Variants in MAP2K5 observed in about 807,000 individuals in gnomAD.
MAP2K5 encodes dual specificity mitogen-activated protein kinase kinase 5.
A neutral mutation model predicts 83.1 loss-of-function variants in MAP2K5; 49 were observed. That is an observed-to-expected ratio of 0.59 (90% CI 0.47 to 0.75). The LOEUF (loss-of-function observed/expected upper bound fraction) is 0.75. MAP2K5 is among the 30% of genes least tolerant of loss of function. The pLI is 0.00. For missense variants in MAP2K5, 457 were observed against 557.5 expected, an observed-to-expected ratio of 0.82 and a Z score of 1.82; for synonymous variants, 202 against 191.8, an observed-to-expected ratio of 1.05 and a Z score of -0.44.
At position 67,720,106 on chromosome 15, in the gene MAP2K5, A is replaced by G. The variant is rs777367493; in HGVS notation, c.1045-7810A>G. Among the ~76,000 whole-genome samples the G allele has an allele frequency of 3.3e-5, 5 of 152,144 alleles. No individual in the cohort carries two copies. Among genetic ancestry groups the G allele is most frequent in the East Asian group, 1.9e-4 (1 of 5,186 alleles). ...GTTTTTTCCCCTTTTTTATTTATCAATTAGCTGCCTTATACTTACTATGGC... is the reference window on the plus strand; with the variant it reads ...GTTTTTTCCCCTTTTTTATTTATCAGTTAGCTGCCTTATACTTACTATGGC... On this transcript the variant is annotated intron_variant, in intron 16 of 21. Coordinates refer to ENST00000178640, the MANE Select transcript of MAP2K5 (RefSeq NM_145160.3). This position sits in a 1 kb window ranked among gnomAD's most constrained non-coding sequence, Gnocchi z 5.7.
In MAP2K5 at chr15:67,735,953, C is replaced by G. The variant is rs538131530; in HGVS notation, c.1074+8008C>G. ...CATGGGAAAGGATGTGCTAGGTACT[C>G]AAGTCCAAAGGAGGTTCATCTGGTA... On this transcript the variant is annotated intron_variant, in intron 17 of 21. Transcript: ENST00000178640. 2.0e-5 allele frequency among the ~76,000 whole-genome samples: 3 copies of G among 152,260 alleles called. No homozygotes were observed. The East Asian group carries it at 5.8e-4, about 29-fold the overall frequency.
chr15:67,613,833 A>G (rs1192714177), intron 8 of MAP2K5, among the ~76,000 whole-genome samples: 1 of 152,060 alleles, frequency 6.6e-6, no homozygotes, highest in Non-Finnish European at 1.5e-5. Flanking sequence ...ATCTGATATT[A>G]CGGGGAAGAA....
chr15:67,703,734 C>T (rs2088478992), intron 16 of MAP2K5, among the ~76,000 whole-genome samples: 1 of 152,134 alleles, frequency 6.6e-6, no homozygotes, highest in South Asian at 2.1e-4. Context: ...CTGGGTGATT[C>T]TTATACATAC....
At chr15:67,797,765 C>T (rs1229841676) in intron 21 of MAP2K5, among the ~76,000 whole-genome samples, 1 of 152,108 alleles carries the variant, frequency 6.6e-6, no homozygotes, top group African/African-American at 2.4e-5. Context: ...TCACTGCAAC[C>T]TCTGCCTCCT....
chr15:67,642,162 A>G (rs2086726235), intron 9 of MAP2K5, among the ~76,000 whole-genome samples: 1 of 152,136 alleles, frequency 6.6e-6, no homozygotes, highest in African/African-American at 2.4e-5. Context: ...TGGCATTTTT[A>G]TTTGTTTGGT....
At chr15:67,759,534 T>C (rs1187408139) in intron 19 of MAP2K5, among the ~76,000 whole-genome samples, 1 of 146,034 alleles carries the variant, frequency 6.8e-6, no homozygotes, top group Non-Finnish European at 1.5e-5. Context: ...CACTCTAGCC[T>C]GGATGACAGA....
intron 8 of MAP2K5, among the ~76,000 whole-genome samples, chr15:67,607,321 T>A (rs563200857): frequency 3.5e-4 from 53 of 152,346 alleles, no homozygotes; most frequent in African/African-American, 1.2e-3. Context: ...TAAAATTAAT[T>A]ATGTATGTTT....
intron 2 of MAP2K5, among the ~76,000 whole-genome samples, chr15:67,554,349 G>T (rs564708489): frequency 6.6e-6 from 1 of 152,244 alleles, no homozygotes; most frequent in Admixed American, 6.5e-5. Flanking sequence ...GTGAGCCACC[G>T]CACCTGGCCT....
At chr15:67,752,349 C>T (rs1157626331) in intron 19 of MAP2K5, among the ~76,000 whole-genome samples, 1 of 151,300 alleles carries the variant, frequency 6.6e-6, no homozygotes, top group Non-Finnish European at 1.5e-5. Context: ...TCATATGGTA[C>T]TTTTTAGTTT....
rs867940430 is a variant in MAP2K5, at chr15:67,698,957, T to C, written c.973-4380T>C. ...ACGTATTACTACTATTATTTATTAT[T>C]ACTCTCTTCATTTTACAGATGAGGA... On this transcript the variant is annotated intron_variant, in intron 15 of 21. Coordinates refer to ENST00000178640, the MANE Select transcript of MAP2K5 (RefSeq NM_145160.3). The surrounding 1 kb of genome is among the most constrained non-coding windows in gnomAD (Gnocchi z 4.5). 4.6e-5 allele frequency among the ~76,000 whole-genome samples: 7 copies of C among 152,318 alleles called. No homozygotes were observed. Among genetic ancestry groups the C allele is most frequent in the Middle Eastern group, 6.8e-3 (2 of 294 alleles).
intron 2 of MAP2K5, among the ~76,000 whole-genome samples, chr15:67,550,759 C>T (rs2084492432): frequency 7.3e-6 from 1 of 137,802 alleles, no homozygotes. Context: ...CTACTTTTTT[C>T]TTTTCTTTTT....
rs537394973 is a variant in MAP2K5, at chr15:67,739,109, G to A, written c.1075-9122G>A. Among the ~76,000 whole-genome samples the A allele has an allele frequency of 1.1e-4, 16 of 151,770 alleles. No homozygotes were observed. The South Asian group carries it at 2.9e-3, about 28-fold the overall frequency. On this transcript the variant is annotated intron_variant, in intron 17 of 21. Coordinates refer to ENST00000178640, the MANE Select transcript of MAP2K5 (RefSeq NM_145160.3). ...AGCCTGGGCAACACAGGGAGACCCCGTCTCTACAAAAAATTTAAAAACCAG... is the reference window on the plus strand; with the variant it reads ...AGCCTGGGCAACACAGGGAGACCCCATCTCTACAAAAAATTTAAAAACCAG...
rs2085149736 is a variant in MAP2K5, at chr15:67,580,201, T to C, written c.253-553T>C. On this transcript the variant is annotated intron_variant, in intron 3 of 21. Transcript: ENST00000178640. ...CTAAAGTGTTTATAAGGCTAAAGCATAAAAGGTATGTTTGTTTGAAACTAG... is the reference window on the plus strand; with the variant it reads ...CTAAAGTGTTTATAAGGCTAAAGCACAAAAGGTATGTTTGTTTGAAACTAG... Among the ~76,000 whole-genome samples the C allele has an allele frequency of 2.0e-5, 3 of 152,244 alleles. No homozygotes were observed. The South Asian group carries it at 6.2e-4, about 31-fold the overall frequency.
chr15:67,709,216 T>C (rs759608629), intron 16 of MAP2K5, among the ~76,000 whole-genome samples: 10 of 152,198 alleles, frequency 6.6e-5, no homozygotes, highest in Non-Finnish European at 1.5e-4. Context: ...TCACTCTGTA[T>C]TGGGGAAGAG....
At chr15:67,656,883 G>A (rs1402079581) in intron 11 of MAP2K5, among the ~76,000 whole-genome samples, 5 of 152,134 alleles carry the variant, frequency 3.3e-5, no homozygotes, top group African/African-American at 9.7e-5. Context: ...AACCCCTTCT[G>A]CCATTTTTAA....
intron 3 of MAP2K5, 135 bp from the exon 4 acceptor site, chr15:67,580,619 T>C: frequency 1.5e-6 from 1 of 647,436 alleles, no homozygotes; most frequent in South Asian, 1.6e-5. Context: ...GATGTGCCAG[T>C]AGGGGAAAAG....
At chr15:67,631,256 A>T (rs1180479712) in intron 9 of MAP2K5, among the ~76,000 whole-genome samples, 1 of 152,140 alleles carries the variant, frequency 6.6e-6, no homozygotes, top group African/African-American at 2.4e-5. Context: ...TCCTTCTTTA[A>T]ATATGCCACA....
At chr15:67,658,752 TTTG>T in intron 12 of MAP2K5, 138 bp downstream of exon 12, 1 of 727,190 alleles carries the variant, frequency 1.4e-6, no homozygotes, top group Non-Finnish European at 2.4e-6. Flanking sequence ...TTTCTCCTGT[TTTG>T]TTCTTCTTTT....
rs2141331044 is a variant in MAP2K5, at chr15:67,790,176, A to T, written c.1243-16470A>T. ...GAACTTCCTTTAAAGCAGCCTGTAGACATCAGGAATATTTATTTTTTCTAT... is the reference window on the plus strand; with the variant it reads ...GAACTTCCTTTAAAGCAGCCTGTAGTCATCAGGAATATTTATTTTTTCTAT... On this transcript the variant is annotated intron_variant, in intron 21 of 21. Coordinates refer to ENST00000178640, the MANE Select transcript of MAP2K5 (RefSeq NM_145160.3). The surrounding 1 kb of genome is among the most constrained non-coding windows in gnomAD (Gnocchi z 4.6). Among the ~76,000 whole-genome samples, 1 of 152,316 alleles carries T rather than the reference A, an allele frequency of 6.6e-6. No individual in the cohort carries two copies. Among genetic ancestry groups the T allele is most frequent in the African/African-American group, 2.4e-5 (1 of 41,564 alleles).
Sources: allele counts gnomAD v4.1 joint callset (sites outside exome capture counted in the v4.1 genomes callset), GRCh38; gene constraint gnomAD v4.1.1; non-coding constraint Gnocchi (gnomAD v3.1); transcripts MANE v1.5; gene names NCBI Gene and HGNC (gene_info 2026-07-23, HGNC 2026-07-21).